LUZP2: variants seen among roughly 807,000 people sequenced by gnomAD.
The protein encoded by LUZP2 is leucine zipper protein 2.
A neutral mutation model predicts 51.6 loss-of-function variants in LUZP2; 52 were observed. The observed-to-expected ratio is 1.01, with a 90% CI of 0.81 to 1.27. The LOEUF (loss-of-function observed/expected upper bound fraction) is 1.27. Among genes scored for constraint, LUZP2 ranks in the 50% most tolerant of loss-of-function variants. The pLI, the probability that LUZP2 is intolerant of heterozygous loss-of-function variation, is 0.00. For synonymous variants in LUZP2, 154 were observed against 137.3 expected (o/e 1.12, Z -0.85); for missense variants, 436 against 395.4 (o/e 1.10, Z -0.87).
At chr11:24,633,780 T>C (rs1224152212) in intron 1 of LUZP2, among the ~76,000 whole-genome samples, 1 of 151,984 alleles carries the variant, frequency 6.6e-6, no homozygotes, top group Non-Finnish European at 1.5e-5. Context: ...TATAGGATTA[T>C]ATAGCAACTG....
chr11:24,839,232 A>G (rs1308515430), intron 5 of LUZP2, among the ~76,000 whole-genome samples: 6 of 151,728 alleles, frequency 4.0e-5, no homozygotes, highest in Middle Eastern at 3.4e-3. Flanking sequence ...CAGGAACCCC[A>G]TATGTGTATT....
chr11:24,818,196 G>C (rs1377035625), intron 5 of LUZP2, among the ~76,000 whole-genome samples: 1 of 151,984 alleles, frequency 6.6e-6, no homozygotes, highest in African/African-American at 2.4e-5. Context: ...ATGACAAGAT[G>C]GATGATCCGT....
At chr11:25,044,128 AT>A (rs1858202702) in intron 9 of LUZP2, among the ~76,000 whole-genome samples, 6 of 141,314 alleles carry the variant, frequency 4.2e-5, no homozygotes, top group East Asian at 2.1e-4. Flanking sequence ...TCAGATACAT[AT>A]GTAGTCTGAG....
At position 24,584,381 on chromosome 11, in the gene LUZP2, TATTTA is replaced by T. The variant is rs377496774; in HGVS notation, c.62+87080_62+87084del. 9.2e-5 allele frequency among the ~76,000 whole-genome samples: 14 copies of T among 152,330 alleles called. No individual in the cohort carries two copies. The East Asian group carries it at 2.1e-3, about 23-fold the overall frequency. Reference sequence around the variant, plus strand: ...TGTGATGTTTGGAAGTTGTTCTTTTTATTTAATTATGAGTTCTTGTGCTGAAATTG... The same window carrying T: ...TGTGATGTTTGGAAGTTGTTCTTTTTATTATGAGTTCTTGTGCTGAAATTG... On this transcript the variant is annotated intron_variant, in intron 1 of 11. Transcript: ENST00000336930.
At chr11:25,049,347 A>G (rs935818742) in intron 9 of LUZP2, among the ~76,000 whole-genome samples, 1 of 152,218 alleles carries the variant, frequency 6.6e-6, no homozygotes, top group Non-Finnish European at 1.5e-5. Flanking sequence ...CAAGAAACAC[A>G]TACACATTTG....
In LUZP2 at chr11:24,967,599, G is replaced by C. The variant is rs187117171; in HGVS notation, c.523-8992G>C. Among the ~76,000 whole-genome samples, 231 of 151,722 alleles carry C rather than the reference G, an allele frequency of 1.5e-3. 1 individual carries two copies. Among genetic ancestry groups the C allele is most frequent in the African/African-American group, 5.4e-3 (225 of 41,438 alleles). On this transcript the variant is annotated intron_variant, in intron 7 of 11. Transcript: ENST00000336930. ...CTTTTTTTCTCTTCACTGTTCTTCA[G>C]AATGAATCATTTCTATTAGTATCAC...
In LUZP2 at chr11:24,822,635, G is replaced by A. The variant is rs374769659; in HGVS notation, c.396+59327G>A. 2.6e-5 allele frequency among the ~76,000 whole-genome samples: 4 copies of A among 152,044 alleles called. No homozygotes were observed. In the South Asian group the frequency reaches 6.2e-4, roughly 24 times the overall value. On this transcript the variant is annotated intron_variant, in intron 5 of 11. Transcript: ENST00000336930. ...TTCGCTTCCTTCATGATGTTTATTC[G>A]TGGATGAATTTTTTGTCCAGGGTCT...
chr11:24,695,393 A>G (rs1857214965), intron 1 of LUZP2, among the ~76,000 whole-genome samples: 1 of 152,068 alleles, frequency 6.6e-6, no homozygotes, highest in Non-Finnish European at 1.5e-5. Context: ...TGATACATGT[A>G]TACATTGTGT....
At chr11:24,881,093 G>T (rs1386227) in intron 5 of LUZP2, among the ~76,000 whole-genome samples, 73,846 of 151,854 alleles carry the variant, frequency 0.49, 18,406 homozygotes, top group East Asian at 0.69. Flanking sequence ...TTGGTTGCCA[G>T]GTAAGCTTAA....
chr11:24,948,542 G>A (rs1203185713), intron 7 of LUZP2, among the ~76,000 whole-genome samples: 2 of 151,574 alleles, frequency 1.3e-5, no homozygotes. Flanking sequence ...CAAGCCCTGG[G>A]CCCTAAATTC....
chr11:24,633,469 A>G (rs1026570694), intron 1 of LUZP2, among the ~76,000 whole-genome samples: 3 of 151,968 alleles, frequency 2.0e-5, no homozygotes, highest in Non-Finnish European at 2.9e-5. Context: ...AATCAATCAG[A>G]ATCTTTAAAA....
At chr11:24,943,709 C>T (rs1029952258) in intron 7 of LUZP2, among the ~76,000 whole-genome samples, 4 of 151,954 alleles carry the variant, frequency 2.6e-5, no homozygotes, top group Admixed American at 6.6e-5. Flanking sequence ...GAAACCTCGT[C>T]TCTGCTAAAA....
intron 7 of LUZP2, among the ~76,000 whole-genome samples, chr11:24,918,596 G>C (rs1033787484): frequency 1.3e-5 from 2 of 151,000 alleles, no homozygotes; most frequent in Non-Finnish European, 2.9e-5. Context: ...CAAACCCACA[G>C]CCAAAATCAT....
chr11:24,764,490 TAAAAAAAAAAAAAAA>T (rs869045272), intron 5 of LUZP2, among the ~76,000 whole-genome samples: 1 of 94,058 alleles, frequency 1.1e-5, no homozygotes, highest in Admixed American at 1.3e-4. Context: ...ATCTCATCTC[TAAAAAAAAAAAAAAA>T]AAAAAAAAAA....
chr11:24,882,539 A>G (rs1447918573), intron 5 of LUZP2, among the ~76,000 whole-genome samples: 1 of 152,196 alleles, frequency 6.6e-6, no homozygotes, highest in South Asian at 2.1e-4. Context: ...GTATAATGAC[A>G]TGTATCCATC....
rs1440400579 is a variant in LUZP2 at position 24,638,438 on chromosome 11, TTTAA to T, written c.63-90726_63-90723del. Among the ~76,000 whole-genome samples, 3 of 151,658 alleles carry T rather than the reference TTTAA, an allele frequency of 2.0e-5. 1 individual carries two copies. Among genetic ancestry groups the T allele is most frequent in the African/African-American group, 7.3e-5 (3 of 41,142 alleles). ...TACAAAAATCCAAATTCTAGGACACTTTAATTAAGAAAGTATTCTAAAAACTATA... is the reference window on the plus strand; with the variant it reads ...TACAAAAATCCAAATTCTAGGACACTTTAAGAAAGTATTCTAAAAACTATA... On this transcript the variant is annotated intron_variant, in intron 1 of 11. Transcript: ENST00000336930.
At chr11:24,602,024 GTGTATATA>G (rs1853683272) in intron 1 of LUZP2, among the ~76,000 whole-genome samples, 2 of 129,926 alleles carry the variant, frequency 1.5e-5, no homozygotes, top group African/African-American at 2.9e-5. Context: ...ATGTATATAT[GTGTATATA>G]TGTATATCTG....
intron 1 of LUZP2, 86 bp from the exon 2 acceptor site, chr11:24,729,083 T>G: frequency 1.8e-6 from 1 of 571,280 alleles, no homozygotes; most frequent in African/African-American, 1.9e-5. Context: ...TCTCTAGATT[T>G]CACTGAAACT....
At chr11:24,913,669 T>TTTTGTG (rs374943014) in intron 6 of LUZP2, among the ~76,000 whole-genome samples, 14 of 148,548 alleles carry the variant, frequency 9.4e-5, no homozygotes, top group South Asian at 6.4e-4. Flanking sequence ...ATCTATTTAT[T>TTTTGTG]TGTGTGTGTG....
Sources: allele counts gnomAD v4.1 joint callset (sites outside exome capture counted in the v4.1 genomes callset), GRCh38; gene constraint gnomAD v4.1.1; transcripts MANE v1.5; gene names NCBI Gene and HGNC (gene_info 2026-07-23, HGNC 2026-07-21).